The following ADAM19 variants were observed in gnomAD, a reference collection of about 807,000 sequenced individuals.
ADAM19 encodes ADAM metallopeptidase domain 19.
In ADAM19, 65 loss-of-function variants were observed where a neutral mutation model predicts 114.7. The ratio of observed to expected loss-of-function variants is 0.57; its 90% CI spans 0.46 to 0.70. The LOEUF (loss-of-function observed/expected upper bound fraction) is 0.70. Among genes scored for constraint, ADAM19 ranks in the 30% least tolerant of loss-of-function variants. The pLI is 0.00. For missense variants in ADAM19, 1,063 were observed against 1,204.7 expected (o/e 0.88, Z 1.74); for synonymous variants, 466 against 460.5 (o/e 1.01, Z -0.15).
chr5:157,543,743 G>A (rs1301726652), intron 3 of ADAM19, among the ~76,000 whole-genome samples: 4 of 151,798 alleles, frequency 2.6e-5, no homozygotes, highest in East Asian at 3.9e-4. Context: ...TAGGTGATAC[G>A]GTGCAAGTCA....
In ADAM19 at chr5:157,546,309, C is replaced by T. The variant is rs1028735225; in HGVS notation, c.252-8318G>A. Among the ~76,000 whole-genome samples the T allele has an allele frequency of 7.9e-5, 12 of 152,306 alleles. No individual in the cohort carries two copies. In the East Asian group the frequency reaches 9.6e-4, roughly 12 times the overall value. Reference sequence around the variant, plus strand: ...TATGGAGAAGGGATGTATATGTGCACGCACACGTGTGTGCATGCATGTGTG... The same window carrying T: ...TATGGAGAAGGGATGTATATGTGCATGCACACGTGTGTGCATGCATGTGTG... On this transcript the variant is annotated intron_variant, in intron 3 of 22. Coordinates refer to ENST00000257527, the MANE Select transcript of ADAM19 (RefSeq NM_033274.5).
Position 157,499,613 on chromosome 5 carries a change from C to T in ADAM19, c.1358G>A (p.Gly453Glu). 6.2e-7 allele frequency: 1 copy of T among 1,613,514 alleles called. No individual in the cohort carries two copies. The highest frequency in any genetic ancestry group is 8.5e-7 in the Non-Finnish European group (1 of 1,179,904). ...GCAGGAGCCGTGAGCACACTCCGCC[C>T]CCGGCCTCAGGGTACAATTAGAGGC... ...CNASNCTLRP[G>E]AECAHGSCCH... Residue 453 changes from glycine (G) to glutamate (E), a missense_variant, in exon 13 of 23, where the codon GGG becomes GAG. Physicochemically the swap from Gly to Glu is moderately conservative, Grantham distance 98 (BLOSUM62 -2). Transcript: ENST00000257527.
chr5:157,545,634 C>A (rs1234574082), intron 3 of ADAM19, among the ~76,000 whole-genome samples: 2 of 152,180 alleles, frequency 1.3e-5, no homozygotes, highest in African/African-American at 4.8e-5. Context: ...CTCTGCCCAA[C>A]CCTGACCTCC....
At chr5:157,552,898 C>T (rs1381047326) in intron 3 of ADAM19, among the ~76,000 whole-genome samples, 1 of 152,024 alleles carries the variant, frequency 6.6e-6, no homozygotes, top group East Asian at 1.9e-4. Context: ...ATGGATGGAA[C>T]TGGAGATCAT....
At chr5:157,571,111 C>CTTCCTAG in intron 1 of ADAM19, 131 bp from the exon 2 acceptor site, 2 of 702,180 alleles carry the variant, frequency 2.8e-6, no homozygotes, top group Non-Finnish European at 4.8e-6. Flanking sequence ...GCTCTTGGCA[C>CTTCCTAG]TTCCTAGGAA....
chr5:157,486,872 A>T (rs34458213), intron 21 of ADAM19, among the ~76,000 whole-genome samples: 17,974 of 152,066 alleles, frequency 0.12, 1,162 homozygotes, highest in Middle Eastern at 0.16. Context: ...AAGGTCTTTA[A>T]AGAGGTGATT....
chr5:157,498,717 T>C (rs1755449335), intron 13 of ADAM19, among the ~76,000 whole-genome samples: 1 of 150,370 alleles, frequency 6.7e-6, no homozygotes, highest in Non-Finnish European at 1.5e-5. Flanking sequence ...TATATGGATA[T>C]GGATAATTAC....
At position 157,498,980 on chromosome 5, in the gene ADAM19, G is replaced by T. The variant is rs148673841; in HGVS notation, c.1398+593C>A. Among the ~76,000 whole-genome samples the T allele has an allele frequency of 2.9e-3, 443 of 152,048 alleles. 3 individuals are homozygous for T. The highest frequency in any genetic ancestry group is 1.0e-2 in the African/African-American group (413 of 41,444). ...TCAGAATTGTGGAAGAGAGATTGTG[G>T]TTCTACGGTAACACTAGCAGCAACA... On this transcript the variant is annotated intron_variant, in intron 13 of 22. Transcript: ENST00000257527.
At chr5:157,509,502 A>G (rs1414958973) in intron 8 of ADAM19, 35 bp from the exon 9 acceptor site, 2 of 1,474,112 alleles carry the variant, frequency 1.4e-6, no homozygotes, top group Non-Finnish European at 9.1e-7. Context: ...GTATCTGTCA[A>G]TACCACCTGG....
intron 1 of ADAM19, among the ~76,000 whole-genome samples, chr5:157,571,903 T>C (rs139626715): frequency 1.7e-3 from 252 of 152,304 alleles, no homozygotes; most frequent in Non-Finnish European, 2.8e-3. Context: ...CACAGCTTTA[T>C]TGTGAAGAGT....
intron 2 of ADAM19, among the ~76,000 whole-genome samples, chr5:157,565,701 ACT>A (rs200742580): frequency 0.011 from 1,558 of 136,206 alleles, 31 homozygotes; most frequent in African/African-American, 0.041. Context: ...AGAGCGAGAC[ACT>A]CTCTCTCAAA....
chr5:157,569,416 CTTTTTTTTT>C (rs1196722802), intron 2 of ADAM19, among the ~76,000 whole-genome samples: 1 of 97,872 alleles, frequency 1.0e-5, no homozygotes, highest in South Asian at 3.5e-4. Flanking sequence ...AGCTAATTTT[CTTTTTTTTT>C]TTTTTTTTTT....
intron 21 of ADAM19, among the ~76,000 whole-genome samples, chr5:157,483,925 G>C (rs1027183113): frequency 1.3e-5 from 2 of 150,538 alleles, no homozygotes; most frequent in African/African-American, 4.9e-5. Context: ...GAGCCACCAC[G>C]CCCAGCCCTT....
intron 3 of ADAM19, among the ~76,000 whole-genome samples, chr5:157,561,790 T>C (rs7705444): frequency 0.2 from 30,801 of 151,908 alleles, 4,348 homozygotes; most frequent in African/African-American, 0.39. Context: ...ACCCATCACC[T>C]GACGGACGGT....
Position 157,506,930 on chromosome 5 carries a change from C to T in ADAM19, c.990+126G>A, listed in dbSNP as rs540796824. On this transcript the variant is annotated intron_variant, in intron 10 of 22. Coordinates refer to ENST00000257527, the MANE Select transcript of ADAM19 (RefSeq NM_033274.5). ...TAATGACTTCATTTTAAACAATTGC[C>T]CTTCCTGATGTCAAAGCTTTTTCTG... 7.7e-6 allele frequency: 6 copies of T among 783,090 alleles called. No individual in the cohort carries two copies. In the East Asian group the frequency reaches 1.6e-4, roughly 21 times the overall value. 48.5% of individuals were successfully genotyped at this position (783,090 alleles called of 1,614,324 possible). A position where few individuals can be genotyped will look rare whatever the true frequency, so the allele number is the denominator to read the frequency against.
chr5:157,488,084 A>G (rs559444747), intron 21 of ADAM19, among the ~76,000 whole-genome samples, 181 bp downstream of exon 21: 37 of 152,304 alleles, frequency 2.4e-4, no homozygotes, highest in African/African-American at 8.9e-4. Context: ...AGCTTCTTAG[A>G]GAGTCTATTT....
intron 3 of ADAM19, among the ~76,000 whole-genome samples, chr5:157,551,859 C>T (rs1757206938): frequency 6.6e-6 from 1 of 152,098 alleles, no homozygotes; most frequent in Non-Finnish European, 1.5e-5. Context: ...AAATGCAAAT[C>T]AATACCACAA....
intron 3 of ADAM19, among the ~76,000 whole-genome samples, chr5:157,541,904 G>A (rs1435066726): frequency 1.3e-5 from 2 of 152,328 alleles, no homozygotes; most frequent in Middle Eastern, 3.4e-3. Context: ...AAGATAAAGT[G>A]ATAACAATTT....
At position 157,575,729 on chromosome 5, in the gene ADAM19, A is replaced by G; in HGVS notation, c.-33T>C. 2 of 1,298,312 alleles carry G rather than the reference A, an allele frequency of 1.5e-6. No individual in the cohort carries two copies. Among genetic ancestry groups the G allele is most frequent in the Non-Finnish European group, 2.0e-6 (2 of 1,022,908 alleles). 80.4% of individuals were successfully genotyped at this position (1,298,312 alleles called of 1,614,324 possible). A position where few individuals can be genotyped will look rare whatever the true frequency, so the allele number is the denominator to read the frequency against. ...GCGGCCCTTAGCGCTCGGCGCTCAC[A>G]CGCCCTCAGCCATACCTGCCCACTG... On this transcript the variant is annotated 5_prime_UTR_variant, in exon 1 of 23. Coordinates refer to ENST00000257527, the MANE Select transcript of ADAM19 (RefSeq NM_033274.5).
Sources: allele counts gnomAD v4.1 joint callset (sites outside exome capture counted in the v4.1 genomes callset), GRCh38; gene constraint gnomAD v4.1.1; transcripts MANE v1.5; gene names NCBI Gene and HGNC (gene_info 2026-07-23, HGNC 2026-07-21).